Variants in ILDR2 observed in about 807,000 individuals in gnomAD.
ILDR2 encodes immunoglobulin like domain containing receptor 2, also known as immunoglobulin-like domain-containing receptor 2.
Under a neutral mutation model 66.8 loss-of-function variants are expected in ILDR2, and 25 were observed. That is an observed-to-expected ratio of 0.37 (90% CI 0.27 to 0.52). The LOEUF is 0.52. ILDR2 is among the 20% of genes least tolerant of loss of function. The pLI, the probability that ILDR2 is intolerant of heterozygous loss-of-function variation, is 0.88. For synonymous variants in ILDR2, 367 were observed against 357.2 expected (o/e 1.03, Z -0.31); for missense variants, 827 against 876.8 (o/e 0.94, Z 0.72).
At chr1:166,925,756 C>CCCCTTATGACCTTTAAGGGG in intron 7 of ILDR2, among the ~76,000 whole-genome samples, 1 of 152,310 alleles carries the variant, frequency 6.6e-6, no homozygotes, top group Non-Finnish European at 1.5e-5. Context: ...GAGTCCATTA[C>CCCCTTATGACCTTTAAGGGG]CTTATGACCA....
chr1:166,921,375 G>A lies in ILDR2; in HGVS notation c.1216C>T (p.Pro406Ser). Residue 406 changes from proline (P) to serine (S), a missense_variant, in exon 9 of 10, where the codon CCG becomes TCG. This residue lies in a region of ILDR2 where 437 missense variants were observed against 523.2 expected (regional missense o/e 0.84). Transcript: ENST00000271417. The surrounding 1 kb of genome is among the most constrained non-coding windows in gnomAD (Gnocchi z 5.3). The part of the protein sequence containing the change: ...EDRESFRHSQ[P>S]RSKSEMLSRK... ...GACAGCATCTCCGACTTGGAGCGCG[G>A]CTGGCTGCGGGCAGAGAAGGAGGGG... 6.4e-7 allele frequency: 1 copy of A among 1,561,808 alleles called. No homozygotes were observed.
rs189838766 is a variant in ILDR2 at position 166,957,233 on chromosome 1, G to A, written c.380-381C>T. On this transcript the variant is annotated intron_variant, in intron 2 of 9. Transcript: ENST00000271417. Reference sequence around the variant, plus strand: ...GGAGTTCTTCAAAATTCAAATAATCGAATAGATCATATCGGACTCTTGGGA... The same window carrying A: ...GGAGTTCTTCAAAATTCAAATAATCAAATAGATCATATCGGACTCTTGGGA... Among the ~76,000 whole-genome samples the A allele has an allele frequency of 8.9e-3, 1,361 of 152,260 alleles. 14 individuals carry two copies. Among genetic ancestry groups the A allele is most frequent in the Middle Eastern group, 0.024 (7 of 294 alleles).
At chr1:166,896,792 C>T (rs1327273259) in intron 2 of ILDR2, among the ~76,000 whole-genome samples, 1 of 151,992 alleles carries the variant, frequency 6.6e-6, no homozygotes, top group Non-Finnish European at 1.5e-5. Context: ...CATGTCACCA[C>T]ACCCAGCTAA....
chr1:166,943,912 A>C (rs1571159682), intron 3 of ILDR2: 266 of 861,112 alleles, frequency 3.1e-4, no homozygotes, highest in Non-Finnish European at 3.4e-4. Flanking sequence ...ACCACAGCTC[A>C]AACTATCAGA....
intron 3 of ILDR2, 144 bp downstream of exon 3, chr1:166,956,589 A>G: frequency 1.3e-6 from 1 of 796,298 alleles, no homozygotes; most frequent in Non-Finnish European, 1.9e-6. Context: ...CATAAAGAGC[A>G]TATTCTAAAA....
intron 7 of ILDR2, among the ~76,000 whole-genome samples, chr1:166,926,830 C>T (rs931138211): frequency 1.3e-5 from 2 of 151,826 alleles, no homozygotes; most frequent in Non-Finnish European, 2.9e-5. Context: ...TACTGACTGC[C>T]CCATGGAGAA....
intron 3 of ILDR2, among the ~76,000 whole-genome samples, chr1:166,947,884 G>A (rs1349327513): frequency 6.6e-6 from 1 of 152,170 alleles, no homozygotes; most frequent in African/African-American, 2.4e-5. Flanking sequence ...CGGCGGGCGC[G>A]ACCGGGGTGG....
intron 1 of ILDR2, among the ~76,000 whole-genome samples, chr1:166,958,520 T>C (rs1662419884): frequency 6.6e-6 from 1 of 152,192 alleles, no homozygotes; most frequent in Non-Finnish European, 1.5e-5. Flanking sequence ...GATTGTAAGT[T>C]TCCTGAGTCT....
rs549207169 is a variant in ILDR2, at chr1:166,957,678, G to C, written c.379+91C>G. ...GTCTTGAGGGTCTGAAAGGGTGAGA[G>C]GCTAGAATATCACCATATTGACATA... is the stretch of plus-strand genomic sequence containing the variant. On this transcript the variant is annotated intron_variant, in intron 2 of 9. Coordinates refer to ENST00000271417, the MANE Select transcript of ILDR2 (RefSeq NM_199351.3). 15 of 1,134,268 alleles carry C rather than the reference G, an allele frequency of 1.3e-5. No individual in the cohort carries two copies. The African/African-American group carries it at 2.3e-4, about 17-fold the overall frequency. 70.3% of individuals were successfully genotyped at this position (1,134,268 alleles called of 1,614,324 possible). A position where few individuals can be genotyped will look rare whatever the true frequency, so the allele number is the denominator to read the frequency against.
chr1:166,959,752 C>T (rs1175356983), intron 1 of ILDR2, among the ~76,000 whole-genome samples: 2 of 152,130 alleles, frequency 1.3e-5, no homozygotes, highest in Admixed American at 1.3e-4. Context: ...GCAAAGGGAA[C>T]ATAACTTTCT....
chr1:166,944,381 G>C (rs1661495142), intron 3 of ILDR2, among the ~76,000 whole-genome samples: 1 of 152,176 alleles, frequency 6.6e-6, no homozygotes, highest in South Asian at 2.1e-4. Flanking sequence ...AGACACTTGA[G>C]AGGCTCACAG....
In ILDR2 at chr1:166,919,181, G is replaced by A; in HGVS notation, c.*174C>T. On this transcript the variant is annotated 3_prime_UTR_variant, in exon 10 of 10. Coordinates refer to ENST00000271417, the MANE Select transcript of ILDR2 (RefSeq NM_199351.3). The stretch of plus-strand genomic sequence containing the variant: ...CTCAAACTAGTTAGATGGGCACAGA[G>A]GTTTGAAATCAGCCTCCCTTAAAGG... 1 of 610,284 alleles carries A rather than the reference G, an allele frequency of 1.6e-6. No homozygotes were observed. The highest frequency in any genetic ancestry group is 3.0e-6 in the Non-Finnish European group (1 of 337,640). 37.8% of individuals were successfully genotyped at this position (610,284 alleles called of 1,614,324 possible). A position where few individuals can be genotyped will look rare whatever the true frequency, so the allele number is the denominator to read the frequency against.
At chr1:166,919,955 G>C (rs1254503202) in intron 9 of ILDR2, among the ~76,000 whole-genome samples, 1 of 152,112 alleles carries the variant, frequency 6.6e-6, no homozygotes, top group Non-Finnish European at 1.5e-5. Context: ...GGGGGTCAGA[G>C]GCCCTTGGTA....
chr1:166,913,485 TAA>T lies in ILDR2; in HGVS notation c.*5868_*5869del, dbSNP rs1283470600. Reference sequence around the variant, plus strand: ...AAATGGCTTTTCCTTAAAGCCAAGGTAAAAGAGAAGCTATCTGTGTCTCTTTT... The same window carrying T: ...AAATGGCTTTTCCTTAAAGCCAAGGTAAGAGAAGCTATCTGTGTCTCTTTT... On this transcript the variant is annotated 3_prime_UTR_variant, in exon 10 of 10. Transcript: ENST00000271417. 1 of 152,200 alleles carries T rather than the reference TAA, an allele frequency of 6.6e-6. No individual in the cohort carries two copies. The allele number at this position is 152,200 out of a possible 1,614,324, so 9.4% of individuals were successfully genotyped here.
In ILDR2 at chr1:166,975,298, G is replaced by A. The variant is rs1431645463; in HGVS notation, c.-30C>T. ...CCCAACTTCCCAGCCGAATTACGGA[G>A]TGAGGAAAGTGGGAAATGGCTGGAA... On this transcript the variant is annotated 5_prime_UTR_variant, in exon 1 of 10. Transcript: ENST00000271417. 3 of 1,607,818 alleles carry A rather than the reference G, an allele frequency of 1.9e-6. No homozygotes were observed. The highest frequency in any genetic ancestry group is 2.2e-5 in the South Asian group (2 of 90,926).
intron 9 of ILDR2, 138 bp downstream of exon 9, chr1:166,920,569 A>G: frequency 2.0e-6 from 2 of 983,120 alleles, no homozygotes; most frequent in South Asian, 3.1e-5. Context: ...GAACTCGCCC[A>G]GGCAGGCCCC....
At chr1:166,920,602 C>G in intron 9 of ILDR2, 105 bp downstream of exon 9, 1 of 1,257,514 alleles carries the variant, frequency 8.0e-7, no homozygotes, top group Non-Finnish European at 1.0e-6. Flanking sequence ...GGCAAGGACC[C>G]TCCCGCCTCG....
At chr1:166,935,262 G>A (rs183885128) in intron 6 of ILDR2, 39 bp downstream of exon 6, 79 of 1,606,582 alleles carry the variant, frequency 4.9e-5, no homozygotes, top group African/African-American at 2.5e-4. Flanking sequence ...GTGGGGGCCC[G>A]AGACAAGCAT....
At chr1:166,940,439 A>T (rs560646434) in intron 3 of ILDR2, among the ~76,000 whole-genome samples, 2 of 152,306 alleles carry the variant, frequency 1.3e-5, no homozygotes, top group Non-Finnish European at 2.9e-5. Flanking sequence ...CCCTGACATT[A>T]TATCTCTAAA....
Sources: allele counts gnomAD v4.1 joint callset (sites outside exome capture counted in the v4.1 genomes callset), GRCh38; gene constraint gnomAD v4.1.1; regional missense constraint gnomAD v4.1.1; non-coding constraint Gnocchi (gnomAD v3.1); transcripts MANE v1.5; gene names NCBI Gene and HGNC (gene_info 2026-07-23, HGNC 2026-07-21).